PBX3: variants seen among roughly 807,000 people sequenced by gnomAD.
PBX3 encodes the protein PBX homeobox 3, also known as pre-B-cell leukemia transcription factor 3.
In PBX3, 14 loss-of-function variants were observed where a neutral mutation model predicts 48.5. The observed-to-expected ratio is 0.29, with a 90% CI of 0.19 to 0.45. The LOEUF (loss-of-function observed/expected upper bound fraction) is 0.45, where lower values mean the gene tolerates loss of function less well. PBX3 is among the 20% of genes least tolerant of loss of function. PBX3 has a pLI of 1.00. For synonymous variants in PBX3, 210 were observed against 200.3 expected (o/e 1.05, Z -0.41); for missense variants, 386 against 546.7 (o/e 0.71, Z 2.93).
intron 3 of PBX3, among the ~76,000 whole-genome samples, chr9:125,929,122 T>C (rs1410447329): frequency 6.6e-6 from 1 of 152,200 alleles, no homozygotes; most frequent in Non-Finnish European, 1.5e-5. Flanking sequence ...CAGATGAAAA[T>C]ATTCCTTCCT....
chr9:125,812,175 C>T (rs1838309427), intron 2 of PBX3, among the ~76,000 whole-genome samples: 1 of 152,134 alleles, frequency 6.6e-6, no homozygotes, highest in African/African-American at 2.4e-5. Flanking sequence ...ACAAACTACC[C>T]AGTCTAACTT....
chr9:125,781,417 G>T (rs990395957), intron 2 of PBX3, among the ~76,000 whole-genome samples: 3 of 151,582 alleles, frequency 2.0e-5, no homozygotes, highest in Admixed American at 1.3e-4. Context: ...GCACTCGGCC[G>T]GCTGAGGCAG....
At chr9:125,937,195 G>A (rs1405093463) in intron 5 of PBX3, among the ~76,000 whole-genome samples, 1 of 152,108 alleles carries the variant, frequency 6.6e-6, no homozygotes, top group East Asian at 1.9e-4. Flanking sequence ...AATAGAATCT[G>A]GAGTTTTCAT....
intron 2 of PBX3, among the ~76,000 whole-genome samples, chr9:125,807,917 A>C: frequency 6.6e-6 from 1 of 152,344 alleles, no homozygotes; most frequent in Middle Eastern, 3.4e-3. Context: ...ACTCTAGTGT[A>C]TACATCAGTT....
chr9:125,794,773 C>T (rs1837728313), intron 2 of PBX3, among the ~76,000 whole-genome samples: 1 of 151,744 alleles, frequency 6.6e-6, no homozygotes, highest in African/African-American at 2.4e-5. Context: ...CCCACCCACC[C>T]ACCTCAATTC....
At chr9:125,776,744 A>G (rs979708585) in intron 2 of PBX3, among the ~76,000 whole-genome samples, 1 of 151,792 alleles carries the variant, frequency 6.6e-6, no homozygotes, top group African/African-American at 2.4e-5. Context: ...GGGTTTTGCC[A>G]TGTTCCCCAG....
chr9:125,898,004 T>A (rs557689158), intron 2 of PBX3, among the ~76,000 whole-genome samples: 9 of 151,878 alleles, frequency 5.9e-5, no homozygotes, highest in Admixed American at 4.6e-4. Flanking sequence ...TATGGCCATT[T>A]AAATATAGTA....
intron 2 of PBX3, among the ~76,000 whole-genome samples, chr9:125,841,079 C>A (rs1433786108): frequency 2.0e-5 from 3 of 152,072 alleles, no homozygotes; most frequent in African/African-American, 7.2e-5. Flanking sequence ...CTATGAATAG[C>A]CTCTTTGCAT....
At chr9:125,847,294 A>G (rs557397368) in intron 2 of PBX3, among the ~76,000 whole-genome samples, 19 of 152,092 alleles carry the variant, frequency 1.2e-4, no homozygotes, top group East Asian at 1.2e-3. Flanking sequence ...AAAATTTCCT[A>G]TATCTACTAC....
chr9:125,932,870 T>G (rs1841748609), intron 4 of PBX3, among the ~76,000 whole-genome samples: 1 of 151,944 alleles, frequency 6.6e-6, no homozygotes, highest in Non-Finnish European at 1.5e-5. Context: ...AATGAGAGAG[T>G]GGCAGAGCTT....
intron 2 of PBX3, among the ~76,000 whole-genome samples, chr9:125,842,722 C>A (rs1350644727): frequency 3.9e-5 from 6 of 152,132 alleles, no homozygotes; most frequent in African/African-American, 1.4e-4. Context: ...TTGAAGGATT[C>A]CTTGCTGGGC....
intron 2 of PBX3, among the ~76,000 whole-genome samples, chr9:125,757,328 T>C (rs1489767567): frequency 2.6e-5 from 4 of 152,212 alleles, no homozygotes; most frequent in Admixed American, 2.6e-4. Context: ...CATAGTCAGA[T>C]ATATCATTTT....
At chr9:125,879,077 C>CTTTTTTTT (rs36094728) in intron 2 of PBX3, among the ~76,000 whole-genome samples, 1 of 124,628 alleles carries the variant, frequency 8.0e-6, no homozygotes, top group Non-Finnish European at 1.6e-5. Flanking sequence ...ACATGCTATT[C>CTTTTTTTT]TTTTTTTTTT....
At chr9:125,860,826 G>T (rs142043548) in intron 2 of PBX3, among the ~76,000 whole-genome samples, 1 of 146,408 alleles carries the variant, frequency 6.8e-6, no homozygotes, top group Non-Finnish European at 1.5e-5. Flanking sequence ...GGCAGAGGTT[G>T]CAGTGAGCTG....
intron 4 of PBX3, among the ~76,000 whole-genome samples, chr9:125,932,992 A>G (rs1345988373): frequency 6.6e-6 from 1 of 152,224 alleles, no homozygotes; most frequent in Non-Finnish European, 1.5e-5. Flanking sequence ...ATAGCCATTT[A>G]GAGTGTGGTG....
chr9:125,913,636 G>A (rs1479115995), intron 2 of PBX3, among the ~76,000 whole-genome samples: 2 of 152,114 alleles, frequency 1.3e-5, no homozygotes, highest in African/African-American at 4.8e-5. Context: ...GTGCAGGGAA[G>A]TGTAATCATT....
In PBX3 at chr9:125,800,118, A is replaced by C. The variant is rs546511340; in HGVS notation, c.274+51495A>C. On this transcript the variant is annotated intron_variant, in intron 2 of 8. Transcript: ENST00000373489. ...TAGACCATCAGATCTTAACAATTTG[A>C]TGTTTGGTTTTTGCTTCAACTATGG... 5.5e-4 allele frequency among the ~76,000 whole-genome samples: 84 copies of C among 152,320 alleles called. 1 individual carries two copies. The South Asian group carries it at 0.017, about 31-fold the overall frequency.
chr9:125,914,270 G>C (rs1841274320), intron 2 of PBX3, among the ~76,000 whole-genome samples: 1 of 152,104 alleles, frequency 6.6e-6, no homozygotes, highest in Non-Finnish European at 1.5e-5. Flanking sequence ...ATAGACAACA[G>C]ATAAAATTTT....
intron 2 of PBX3, chr9:125,844,606 C>G (rs999807654): frequency 6.6e-5 from 10 of 152,038 alleles, no homozygotes; most frequent in Admixed American, 2.0e-4. Flanking sequence ...GCATGCCAGA[C>G]TATTGTGAAT....
Sources: allele counts gnomAD v4.1 joint callset (sites outside exome capture counted in the v4.1 genomes callset), GRCh38; gene constraint gnomAD v4.1.1; transcripts MANE v1.5; gene names NCBI Gene and HGNC (gene_info 2026-07-23, HGNC 2026-07-21).